The following CAPN12 variants were observed in gnomAD, a reference collection of about 807,000 sequenced individuals.
The protein encoded by CAPN12 is calpain 12.
In CAPN12, 107 loss-of-function variants were observed where a neutral mutation model predicts 95.0. The ratio of observed to expected loss-of-function variants is 1.13; its 90% CI spans 0.96 to 1.32. The LOEUF is 1.32. Among genes scored for constraint, CAPN12 ranks in the 40% most tolerant of loss-of-function variants. CAPN12 has a pLI of 0.00. For synonymous variants in CAPN12, 505 were observed against 415.5 expected (o/e 1.22, Z -2.62); for missense variants, 1,136 against 997.8 (o/e 1.14, Z -1.87).
chr19:38,737,555 T>G lies in CAPN12; in HGVS notation c.1049A>C (p.Glu350Ala). The G allele has an allele frequency of 6.2e-7, 1 of 1,612,078 alleles. No homozygotes were observed. Among genetic ancestry groups the G allele is most frequent in the Non-Finnish European group, 8.5e-7 (1 of 1,179,762 alleles). The stretch of plus-strand genomic sequence containing the variant: ...GGTGTGGACGTGCCAGCCGCCCCCC[T>G]CCGGGCTGGGGCCCAGCACCTCCGG... ...LSPEVLGPSP[E>A]GGGWHVHTFQ... Residue 350 changes from glutamate (E) to alanine (A), a missense_variant, in exon 9 of 21, where the codon GAG becomes GCG. Physicochemically the swap from Glu to Ala is moderately radical, Grantham distance 107 (BLOSUM62 -1). Transcript: ENST00000328867.
Position 38,736,101 on chromosome 19 carries a change from G to A in CAPN12, c.1583+9C>T, listed in dbSNP as rs535116264. On this transcript the variant is annotated intron_variant, in intron 12 of 20. Transcript: ENST00000328867. ...GGGATGGGGTCGGATTTGGGTGCCC[G>A]GGGCTCACACGGCCGTGTGGCGGCG... 3.3e-4 allele frequency: 485 copies of A among 1,488,468 alleles called. 1 individual carries two copies. In the African/African-American group the frequency reaches 6.2e-3, roughly 19 times the overall value. 92.2% of individuals were successfully genotyped at this position (1,488,468 alleles called of 1,614,324 possible). A position where few individuals can be genotyped will look rare whatever the true frequency, so the allele number is the denominator to read the frequency against.
chr19:38,735,998 G>GGGGCA (rs1212747490), intron 12 of CAPN12, 112 bp downstream of exon 12: 2 of 441,556 alleles, frequency 4.5e-6, no homozygotes, highest in Non-Finnish European at 6.7e-6. Context: ...TTCTGGGGGC[G>GGGGCA]GGGCAGGTCA....
Position 38,733,618 on chromosome 19 carries a change from C to T in CAPN12, c.1957+85G>A. On this transcript the variant is annotated intron_variant, in intron 18 of 20. Transcript: ENST00000328867. ...TGTGGATGGCCACAGTGCAGACGGC[C>T]ACAGCTGAGCAGGGGGACTTGGAGA... 3 of 1,268,606 alleles carry T rather than the reference C, an allele frequency of 2.4e-6. No homozygotes were observed. In the East Asian group the frequency reaches 7.0e-5, roughly 29 times the overall value. The allele number at this position is 1,268,606 out of a possible 1,614,324, so 78.6% of individuals were successfully genotyped here. A position where few individuals can be genotyped will look rare whatever the true frequency, so the allele number is the denominator to read the frequency against.
intron 5 of CAPN12, chr19:38,739,761 G>C (rs894792554): frequency 3.9e-5 from 11 of 280,934 alleles, no homozygotes; most frequent in Non-Finnish European, 5.9e-5. Flanking sequence ...GATACCTGCA[G>C]CTATGGGGGA....
At chr19:38,737,824 C>T (rs1278812886) in intron 8 of CAPN12, among the ~76,000 whole-genome samples, 186 bp from the exon 9 acceptor site, 2 of 152,228 alleles carry the variant, frequency 1.3e-5, no homozygotes, top group African/African-American at 4.8e-5. Flanking sequence ...AGTCCTCAGA[C>T]ATGCCCCACA....
intron 1 of CAPN12, 57 bp downstream of exon 1, chr19:38,743,872 A>C: frequency 6.5e-7 from 1 of 1,542,730 alleles, no homozygotes; most frequent in East Asian, 2.3e-5. Flanking sequence ...CCAGGAGTCC[A>C]TGCCTCCAGC....
In CAPN12 at chr19:38,731,410, A is replaced by T; in HGVS notation, c.1958-187T>A. On this transcript the variant is annotated intron_variant, in intron 18 of 20. Transcript: ENST00000328867. ...CTGGGCCTGTTTCCTCATCCATCAA[A>T]CGGACTAAGACAGCCCCGACCCCAT... 8.1e-6 allele frequency: 5 copies of T among 615,670 alleles called. No homozygotes were observed. The South Asian group carries it at 9.0e-5, about 11-fold the overall frequency. The allele number at this position is 615,670 out of a possible 1,614,324, so 38.1% of individuals were successfully genotyped here.
chr19:38,734,943 C>T, intron 14 of CAPN12, 73 bp from the exon 15 acceptor site: 1 of 1,451,330 alleles, frequency 6.9e-7, no homozygotes, highest in Non-Finnish European at 9.6e-7. Context: ...GTGCTAGGGA[C>T]ACGGCAGGGG....
intron 14 of CAPN12, chr19:38,735,123 GATGAGAC>G: frequency 1.7e-6 from 1 of 605,304 alleles, no homozygotes; most frequent in Non-Finnish European, 2.9e-6. Context: ...GGGCACCTTA[GATGAGAC>G]CTGAGCCTGG....
chr19:38,734,233 AAG>A, intron 16 of CAPN12, 29 bp from the exon 17 acceptor site: 1 of 1,612,308 alleles, frequency 6.2e-7, no homozygotes, highest in Non-Finnish European at 8.5e-7. Context: ...GCATCTGGTT[AAG>A]GTCAATCTCT....
chr19:38,737,428 C>T (rs1261235647), intron 9 of CAPN12, 40 bp from the exon 10 acceptor site: 3 of 1,609,998 alleles, frequency 1.9e-6, no homozygotes, highest in Admixed American at 3.4e-5. Context: ...TAGCCGGCCA[C>T]AGCGCCCCCC....
intron 10 of CAPN12, 40 bp from the exon 11 acceptor site, chr19:38,736,603 A>AGGTGGCCGCCGCTCAG: frequency 1.3e-6 from 2 of 1,584,704 alleles, no homozygotes; most frequent in Non-Finnish European, 8.6e-7. Context: ...GGCAGGGGAG[A>AGGTGGCCGCCGCTCAG]GGTGGCCGCC....
chr19:38,738,521 G>A lies in CAPN12; in HGVS notation c.805-18C>T, dbSNP rs1179773807. On this transcript the variant is annotated intron_variant, in intron 6 of 20. Coordinates refer to ENST00000328867, the MANE Select transcript of CAPN12 (RefSeq NM_144691.4). ...AGGAACACCTGGGGCAGCATCGTCA[G>A]TGGGGGTGATGCCTGGACATGGCCT... 4.3e-6 allele frequency: 7 copies of A among 1,613,642 alleles called. No homozygotes were observed. The highest frequency in any genetic ancestry group is 5.9e-6 in the Non-Finnish European group (7 of 1,179,842).
In CAPN12 at chr19:38,734,382, G is replaced by C. The variant is rs775104751; in HGVS notation, c.1752C>G (p.Ala584=). The C allele has an allele frequency of 3.5e-5, 56 of 1,592,000 alleles. 1 individual carries two copies. The East Asian group carries it at 1.2e-3, about 34-fold the overall frequency. The change falls in exon 16 of 21, where the codon GCC becomes GCG. Residue 584 remains alanine (A), a synonymous_variant. Transcript: ENST00000328867. ...LLSIALEPAR[A]HTSTPREIGL... ...CGATCTCTCTGGGGGTGGAGGTATG[G>C]GCCCTGGCTACAGGAAAAACAAAGT...
In CAPN12 at chr19:38,737,409, G is replaced by C. The variant is rs571599749; in HGVS notation, c.1130-21C>G. 3.1e-6 allele frequency: 5 copies of C among 1,609,330 alleles called. No individual in the cohort carries two copies. In the East Asian group the frequency reaches 1.1e-4, roughly 36 times the overall value. Reference sequence around the variant, plus strand: ...GGTTTCTAAGGGAGGAGGAAAAAAGGGGGTTTCCTAGCCGGCCACAGCGCC... The same window carrying C: ...GGTTTCTAAGGGAGGAGGAAAAAAGCGGGTTTCCTAGCCGGCCACAGCGCC... On this transcript the variant is annotated intron_variant, in intron 9 of 20. Transcript: ENST00000328867.
intron 2 of CAPN12, 47 bp downstream of exon 2, chr19:38,742,986 C>T: frequency 6.3e-7 from 1 of 1,594,630 alleles, no homozygotes; most frequent in Admixed American, 1.7e-5. Context: ...AGGATCTCAG[C>T]TGAAACTAGC....
In CAPN12 at chr19:38,737,597, TG is replaced by T; in HGVS notation, c.1006del (p.Gln336ArgfsTer5). 1 of 1,611,170 alleles carries T rather than the reference TG, an allele frequency of 6.2e-7. No individual in the cohort carries two copies. The highest frequency in any genetic ancestry group is 1.1e-5 in the South Asian group (1 of 90,924). On this transcript the variant is annotated frameshift_variant, in exon 9 of 21. Transcript: ENST00000328867. LOFTEE classifies it high-confidence loss of function. Reference protein sequence around the residue: ...RDFLLHFDTVQICSLSPEVLG... With the variant: ...RDFLLHFDTVXICSLSPEVLG... ...CACCTCCGGGCTCAGCGAGCAGATC[TG>T]CACGGTGTCGAAATGGAGGAGGAAG...
intron 4 of CAPN12, 92 bp from the exon 5 acceptor site, chr19:38,740,311 T>G: frequency 7.8e-7 from 1 of 1,284,452 alleles, no homozygotes; most frequent in Non-Finnish European, 1.1e-6. Flanking sequence ...TGTCTCAGGG[T>G]GTGGAATCCC....
At position 38,738,351 on chromosome 19, in the gene CAPN12, G is replaced by A. The variant is rs1162813458; in HGVS notation, c.891-4C>T. On this transcript the variant is annotated splice_polypyrimidine_tract_variant and splice_region_variant and intron_variant, in intron 7 of 20. Transcript: ENST00000328867. ...GAGTGTGTCCCAGCGTGGGCAGCTG[G>A]AGAGACTGTGGTGTGAGGGGCGGGC... The A allele has an allele frequency of 6.2e-7, 1 of 1,611,986 alleles. No homozygotes were observed. Among genetic ancestry groups the A allele is most frequent in the African/African-American group, 1.3e-5 (1 of 74,982 alleles).
Sources: gnomAD v4.1 joint callset for allele counts (sites outside exome capture counted in the v4.1 genomes callset) on GRCh38, gnomAD v4.1.1 for gene constraint, MANE v1.5 for transcripts, NCBI Gene and HGNC (gene_info 2026-07-23, HGNC 2026-07-21) for gene names.